Variants in TMEM132C observed in about 807,000 individuals in gnomAD.
TMEM132C encodes transmembrane protein 132C, also known as protein phosphatase 1, regulatory subunit 152.
A neutral mutation model predicts 61.4 loss-of-function variants in TMEM132C; 29 were observed. The ratio of observed to expected loss-of-function variants is 0.47; its 90% CI spans 0.35 to 0.64. The LOEUF is 0.64. TMEM132C is among the 30% of genes least tolerant of loss of function. The pLI is 0.00. For synonymous variants in TMEM132C, 656 were observed against 633.1 expected, an observed-to-expected ratio of 1.04 and a Z score of -0.54; for missense variants, 1,408 against 1,476.9, an observed-to-expected ratio of 0.95 and a Z score of 0.76.
chr12:128,551,217 C>A (rs12320780), intron 3 of TMEM132C, among the ~76,000 whole-genome samples: 7,354 of 143,768 alleles, frequency 0.051, 410 homozygotes, highest in East Asian at 0.2. Flanking sequence ...GAGCCCCCCC[C>A]CTCCCGCTTC....
chr12:128,642,619 C>A (rs1171524263), intron 4 of TMEM132C, among the ~76,000 whole-genome samples: 1 of 152,204 alleles, frequency 6.6e-6, no homozygotes, highest in Admixed American at 6.5e-5. Flanking sequence ...GTGATGCCAA[C>A]CTTCCTTTGC....
At chr12:128,445,334 G>A (rs1159029757) in intron 2 of TMEM132C, among the ~76,000 whole-genome samples, 1 of 152,156 alleles carries the variant, frequency 6.6e-6, no homozygotes. Flanking sequence ...TAGAAGATTC[G>A]AGTGGCCTCT....
intron 3 of TMEM132C, among the ~76,000 whole-genome samples, chr12:128,576,632 A>G (rs748594847): frequency 6.6e-6 from 1 of 152,236 alleles, no homozygotes; most frequent in Non-Finnish European, 1.5e-5. Context: ...TGCATCTCTT[A>G]ATCGTCACAT....
chr12:128,411,307 A>T (rs547450248), intron 1 of TMEM132C, among the ~76,000 whole-genome samples: 1 of 152,220 alleles, frequency 6.6e-6, no homozygotes, highest in Admixed American at 6.5e-5. Context: ...TAGTTTTAGC[A>T]TCCTCTTATG....
At chr12:128,292,940 G>A (rs935599841) in intron 1 of TMEM132C, among the ~76,000 whole-genome samples, 6 of 140,972 alleles carry the variant, frequency 4.3e-5, no homozygotes, top group African/African-American at 1.5e-4. Context: ...CTGTGTGTTG[G>A]TGTAGGTATG....
intron 2 of TMEM132C, among the ~76,000 whole-genome samples, chr12:128,504,990 A>AAGTAAGATTACTTACTACTTTACGT (rs1463139055): frequency 8.6e-5 from 13 of 151,926 alleles, no homozygotes; most frequent in Non-Finnish European, 1.8e-4. Flanking sequence ...TTTACGTAGT[A>AAGTAAGATTACTTACTACTTTACGT]AGTAAGATTA....
intron 2 of TMEM132C, among the ~76,000 whole-genome samples, chr12:128,493,659 A>T (rs1252309163): frequency 6.6e-6 from 1 of 152,068 alleles, no homozygotes; most frequent in African/African-American, 2.4e-5. Flanking sequence ...TTTGTCTGTT[A>T]TTGGTGTATA....
chr12:128,623,947 G>A (rs1029140246), intron 4 of TMEM132C, among the ~76,000 whole-genome samples: 3 of 152,168 alleles, frequency 2.0e-5, no homozygotes, highest in African/African-American at 7.2e-5. Flanking sequence ...AATGACTTAG[G>A]TCAGCATTTT....
intron 4 of TMEM132C, among the ~76,000 whole-genome samples, chr12:128,627,731 G>A (rs1028441362): frequency 2.0e-5 from 3 of 152,212 alleles, no homozygotes; most frequent in Non-Finnish European, 4.4e-5. Flanking sequence ...AGCAGGTACT[G>A]TAGGTCTGAT....
intron 1 of TMEM132C, among the ~76,000 whole-genome samples, chr12:128,395,675 G>A (rs1874926462): frequency 2.0e-5 from 3 of 152,266 alleles, no homozygotes; most frequent in South Asian, 2.1e-4. Context: ...TTTGTTGAAC[G>A]CTGTTCTGAA....
chr12:128,301,775 C>G (rs1014894353), intron 1 of TMEM132C, among the ~76,000 whole-genome samples: 1 of 152,120 alleles, frequency 6.6e-6, no homozygotes, highest in East Asian at 1.9e-4. Context: ...TCCATTTTCA[C>G]GCTGCTGATA....
At chr12:128,555,590 A>C (rs551725475) in intron 3 of TMEM132C, among the ~76,000 whole-genome samples, 1 of 152,186 alleles carries the variant, frequency 6.6e-6, no homozygotes, top group South Asian at 2.1e-4. Context: ...GTCTCCATAA[A>C]ATTGTCCCTC....
At chr12:128,311,629 T>C (rs1332053426) in intron 1 of TMEM132C, among the ~76,000 whole-genome samples, 2 of 152,226 alleles carry the variant, frequency 1.3e-5, no homozygotes, top group East Asian at 3.9e-4. Context: ...AACAGTTCTT[T>C]GTTCCCTCTC....
chr12:128,666,011 A>T (rs1954466072), intron 4 of TMEM132C, among the ~76,000 whole-genome samples: 1 of 137,978 alleles, frequency 7.2e-6, no homozygotes, highest in African/African-American at 3.0e-5. Context: ...ACAGGCACAC[A>T]CACATTCACA....
At chr12:128,481,618 A>G (rs10082844) in intron 2 of TMEM132C, among the ~76,000 whole-genome samples, 3,257 of 152,354 alleles carry the variant, frequency 0.021, 143 homozygotes, top group African/African-American at 0.074. Context: ...TGAGTGTCAA[A>G]GCGCAGGTCC....
chr12:128,311,153 C>T (rs1248404957), intron 1 of TMEM132C, among the ~76,000 whole-genome samples: 2 of 152,230 alleles, frequency 1.3e-5, no homozygotes, highest in Non-Finnish European at 2.9e-5. Context: ...ATTAGTCAGA[C>T]CTAGACCGCA....
At chr12:128,359,101 A>G (rs1873611930) in intron 1 of TMEM132C, among the ~76,000 whole-genome samples, 1 of 152,226 alleles carries the variant, frequency 6.6e-6, no homozygotes, top group African/African-American at 2.4e-5. Context: ...CAAGGTCACA[A>G]AAGCTCATGA....
At chr12:128,448,953 C>T (rs1012201570) in intron 2 of TMEM132C, among the ~76,000 whole-genome samples, 2 of 151,510 alleles carry the variant, frequency 1.3e-5, no homozygotes, top group East Asian at 1.9e-4. Context: ...CTGGCTAACA[C>T]GGCGAAACCC....
At chr12:128,563,733 A>C (rs1429941648) in intron 3 of TMEM132C, among the ~76,000 whole-genome samples, 2 of 152,198 alleles carry the variant, frequency 1.3e-5, no homozygotes, top group African/African-American at 4.8e-5. Flanking sequence ...TGGGGATGAC[A>C]AGTAATGTAA....
Sources: allele counts gnomAD v4.1 joint callset (sites outside exome capture counted in the v4.1 genomes callset), GRCh38; gene constraint gnomAD v4.1.1; transcripts MANE v1.5; gene names NCBI Gene and HGNC (gene_info 2026-07-23, HGNC 2026-07-21).